The following EYA2 variants were observed in gnomAD, a reference collection of about 807,000 sequenced individuals.
The protein encoded by EYA2 is EYA transcriptional coactivator and phosphatase 2.
EYA2 carries 31 observed loss-of-function variants against 69.2 expected under a neutral mutation model. That is an observed-to-expected ratio of 0.45 (90% CI 0.34 to 0.60). The LOEUF (loss-of-function observed/expected upper bound fraction) is 0.60. EYA2 is among the 20% of genes least tolerant of loss of function. EYA2 has a pLI of 0.02. For missense variants in EYA2, 622 were observed against 701.2 expected, an observed-to-expected ratio of 0.89 and a Z score of 1.28; for synonymous variants, 257 against 279.4, an observed-to-expected ratio of 0.92 and a Z score of 0.80.
chr20:47,144,824 A>G (rs910402295), intron 10 of EYA2, among the ~76,000 whole-genome samples: 1 of 152,256 alleles, frequency 6.6e-6, no homozygotes, highest in African/African-American at 2.4e-5. Flanking sequence ...ATTCAAAAGC[A>G]AAGTTCAGGC....
At chr20:47,029,761 T>C (rs988577327) in intron 5 of EYA2, among the ~76,000 whole-genome samples, 3 of 152,238 alleles carry the variant, frequency 2.0e-5, no homozygotes, top group African/African-American at 7.2e-5. Flanking sequence ...TTTTCTTTTT[T>C]CTACAACACA....
chr20:47,162,495 A>C (rs1372820144), intron 10 of EYA2, among the ~76,000 whole-genome samples: 1 of 150,692 alleles, frequency 6.6e-6, no homozygotes, highest in East Asian at 1.9e-4. Context: ...TTTTTTCAAA[A>C]GCAGTACATA....
At chr20:47,051,975 C>A (rs1422117278) in intron 5 of EYA2, among the ~76,000 whole-genome samples, 2 of 152,178 alleles carry the variant, frequency 1.3e-5, no homozygotes, top group East Asian at 1.9e-4. Context: ...TTTTTTCATT[C>A]AATGAATAGT....
intron 5 of EYA2, among the ~76,000 whole-genome samples, chr20:47,060,349 G>T (rs1386732158): frequency 6.6e-6 from 1 of 152,088 alleles, no homozygotes; most frequent in African/African-American, 2.4e-5. Context: ...TACTCTCATG[G>T]CTTCATGGCC....
At chr20:47,001,182 T>A (rs1338243713) in intron 2 of EYA2, among the ~76,000 whole-genome samples, 1 of 152,210 alleles carries the variant, frequency 6.6e-6, no homozygotes, top group Non-Finnish European at 1.5e-5. Flanking sequence ...TTCAAGGTGC[T>A]ATGGATTCTT....
intron 4 of EYA2, among the ~76,000 whole-genome samples, chr20:47,006,815 T>C (rs1982743831): frequency 6.6e-6 from 1 of 152,166 alleles, no homozygotes; most frequent in Admixed American, 6.5e-5. Context: ...CATTTCCTTT[T>C]AGCTTTAGTT....
intron 10 of EYA2, among the ~76,000 whole-genome samples, chr20:47,151,966 A>G (rs1430182351): frequency 6.6e-6 from 1 of 152,004 alleles, no homozygotes; most frequent in South Asian, 2.1e-4. Flanking sequence ...CTTTCAGGAA[A>G]CTGACTTTGT....
intron 9 of EYA2, among the ~76,000 whole-genome samples, chr20:47,130,431 A>AT (rs894974311): frequency 4.6e-5 from 7 of 151,020 alleles, no homozygotes; most frequent in East Asian, 2.0e-4. Context: ...CGCCCCGCTA[A>AT]TTTTTTTGTA....
intron 5 of EYA2, among the ~76,000 whole-genome samples, chr20:47,023,648 T>TTG (rs1402176548): frequency 6.5e-4 from 95 of 146,186 alleles, no homozygotes; most frequent in East Asian, 3.2e-3. Flanking sequence ...TTTTTTTTTT[T>TTG]TTTTTTGAAG....
intron 2 of EYA2, 65 bp downstream of exon 2, chr20:46,990,184 G>A (rs978704772): frequency 1.3e-5 from 11 of 838,928 alleles, no homozygotes; most frequent in Admixed American, 1.7e-5. Flanking sequence ...TGAGAATATC[G>A]TAAGCAACAG....
At chr20:46,958,515 T>C (rs891448257) in intron 1 of EYA2, among the ~76,000 whole-genome samples, 2 of 152,198 alleles carry the variant, frequency 1.3e-5, no homozygotes, top group African/African-American at 2.4e-5. Context: ...AGTAGCATTA[T>C]GGAAATGAGA....
At chr20:47,144,212 C>A (rs1238121192) in intron 10 of EYA2, among the ~76,000 whole-genome samples, 1 of 152,030 alleles carries the variant, frequency 6.6e-6, no homozygotes, top group Non-Finnish European at 1.5e-5. Flanking sequence ...AAAAATTAGC[C>A]GGGCATGGTG....
intron 15 of EYA2, among the ~76,000 whole-genome samples, chr20:47,187,743 A>G (rs758593054): frequency 9.2e-5 from 14 of 152,242 alleles, no homozygotes; most frequent in Non-Finnish European, 1.6e-4. Flanking sequence ...CCATTGTGCA[A>G]TTTAACACCA....
intron 1 of EYA2, among the ~76,000 whole-genome samples, chr20:46,899,351 A>G (rs911782055): frequency 2.0e-5 from 3 of 152,254 alleles, no homozygotes; most frequent in African/African-American, 7.2e-5. Context: ...ATGGGGAAAC[A>G]AAATCATATT....
chr20:47,097,171 A>G lies in EYA2; in HGVS notation c.888+3A>G, dbSNP rs772357652. 29 of 1,602,408 alleles carry G rather than the reference A, an allele frequency of 1.8e-5. No individual in the cohort carries two copies. ...CATTTGCATCCAGATACGGGAAGGT[A>G]AGAATCCATTTTGTCTCTCTCTCTC... On this transcript the variant is annotated splice_donor_region_variant and intron_variant, in intron 9 of 15. Transcript: ENST00000327619.
intron 8 of EYA2, among the ~76,000 whole-genome samples, chr20:47,096,324 A>G (rs1005101517): frequency 2.0e-5 from 3 of 152,244 alleles, no homozygotes; most frequent in African/African-American, 7.2e-5. Context: ...TTTAAAATTG[A>G]CATAGGCAGA....
chr20:47,175,628 G>A (rs780709530), intron 12 of EYA2, among the ~76,000 whole-genome samples: 1 of 152,206 alleles, frequency 6.6e-6, no homozygotes, highest in Non-Finnish European at 1.5e-5. Context: ...TTGTTATCTG[G>A]GGAAGGTGGG....
rs1411314434 is a variant in EYA2 at position 47,164,052 on chromosome 20, A to G, written c.979-5087A>G. ...ATACTTTGACCCGGAAGAGACCAGAAGCACCCTGCAGTTCGTGTGGACAAG... is the reference window on the plus strand; with the variant it reads ...ATACTTTGACCCGGAAGAGACCAGAGGCACCCTGCAGTTCGTGTGGACAAG... On this transcript the variant is annotated intron_variant, in intron 10 of 15. Coordinates refer to ENST00000327619, the MANE Select transcript of EYA2 (RefSeq NM_005244.5). 5.3e-5 allele frequency among the ~76,000 whole-genome samples: 8 copies of G among 152,234 alleles called. No homozygotes were observed. In the South Asian group the frequency reaches 1.0e-3, roughly 20 times the overall value.
chr20:47,088,530 C>G (rs73909789), intron 7 of EYA2, among the ~76,000 whole-genome samples: 237 of 152,268 alleles, frequency 1.6e-3, no homozygotes, highest in African/African-American at 5.1e-3. Flanking sequence ...CTGACTAGCC[C>G]CATATAAATG....
Sources: allele counts gnomAD v4.1 joint callset (sites outside exome capture counted in the v4.1 genomes callset), GRCh38; gene constraint gnomAD v4.1.1; transcripts MANE v1.5; gene names NCBI Gene and HGNC (gene_info 2026-07-23, HGNC 2026-07-21).